ZCCHC4: variants seen among roughly 807,000 people sequenced by gnomAD.
The protein encoded by ZCCHC4 is rRNA N(6)-adenosine-methyltransferase ZCCHC4.
A neutral mutation model predicts 67.7 loss-of-function variants in ZCCHC4; 54 were observed. The ratio of observed to expected loss-of-function variants is 0.80; its 90% CI spans 0.64 to 1.00. ZCCHC4 has a LOEUF of 1.00. Among genes scored for constraint, ZCCHC4 ranks in the 50% least tolerant of loss-of-function variants. ZCCHC4 has a pLI of 0.00. For missense variants in ZCCHC4, 609 were observed against 617.0 expected (o/e 0.99, Z 0.14); for synonymous variants, 198 against 213.5 (o/e 0.93, Z 0.63).
chr4:25,326,225 C>T (rs563494425), intron 3 of ZCCHC4, among the ~76,000 whole-genome samples: 5 of 152,336 alleles, frequency 3.3e-5, no homozygotes, highest in South Asian at 2.1e-4. Context: ...GCCCGTGCTC[C>T]GTTTTTATAG....
chr4:25,342,150 G>T (rs1401215538), intron 5 of ZCCHC4, among the ~76,000 whole-genome samples: 1 of 152,154 alleles, frequency 6.6e-6, no homozygotes, highest in Non-Finnish European at 1.5e-5. Flanking sequence ...TCTTAAGAGA[G>T]AGCTGGTTTA....
intron 3 of ZCCHC4, among the ~76,000 whole-genome samples, chr4:25,321,774 C>T (rs1418925989): frequency 2.0e-5 from 3 of 152,152 alleles, no homozygotes; most frequent in African/African-American, 4.8e-5. Flanking sequence ...CTCAGCCTCC[C>T]GGGTAGCTGG....
At chr4:25,340,103 C>T (rs1019401100) in intron 5 of ZCCHC4, among the ~76,000 whole-genome samples, 9 of 152,030 alleles carry the variant, frequency 5.9e-5, no homozygotes, top group African/African-American at 1.9e-4. Flanking sequence ...CTCCTGACCT[C>T]GTGATCCACC....
intron 3 of ZCCHC4, among the ~76,000 whole-genome samples, chr4:25,323,418 A>G (rs554775895): frequency 6.7e-6 from 1 of 148,930 alleles, no homozygotes; most frequent in African/African-American, 2.4e-5. Flanking sequence ...TTTTTTTTTC[A>G]TATCACTATG....
intron 3 of ZCCHC4, among the ~76,000 whole-genome samples, chr4:25,331,380 C>G (rs1719173102): frequency 6.6e-6 from 1 of 152,326 alleles, no homozygotes; most frequent in Non-Finnish European, 1.5e-5. Context: ...TCATAGCTCA[C>G]TGCAGCCTTG....
intron 8 of ZCCHC4, among the ~76,000 whole-genome samples, chr4:25,360,022 C>A (rs995444677): frequency 6.6e-6 from 1 of 152,194 alleles, no homozygotes; most frequent in South Asian, 2.1e-4. Context: ...ACTTGATGGA[C>A]CACTTGATGG....
chr4:25,314,111 T>C lies in ZCCHC4; in HGVS notation c.193T>C (p.Ser65Pro). Residue 65 changes from serine to proline, a missense_variant, in exon 2 of 13, where the codon TCA (serine) becomes CCA (proline). By Grantham distance (74) the Ser-to-Pro change is moderately conservative (BLOSUM62 -1). Coordinates refer to ENST00000302874, the MANE Select transcript of ZCCHC4 (RefSeq NM_024936.3). ...KEETRRFYAC[S>P]ACRDRKDCNF... is the part of the protein sequence containing the mutation. ...AGAAACTCGGAGGTTTTATGCCTGT[T>C]CAGCCTGTAGAGATAGAAAAGACTG... 1 of 1,613,298 alleles carries C rather than the reference T, an allele frequency of 6.2e-7. No homozygotes were observed. The highest frequency in any genetic ancestry group is 8.5e-7 in the Non-Finnish European group (1 of 1,179,754).
chr4:25,313,911 A>C, intron 1 of ZCCHC4, 135 bp from the exon 2 acceptor site: 2 of 617,548 alleles, frequency 3.2e-6, no homozygotes, highest in Non-Finnish European at 5.7e-6. Context: ...ACAACCAACC[A>C]AAGAGATGGA....
chr4:25,344,689 A>C (rs1310495389), intron 5 of ZCCHC4, among the ~76,000 whole-genome samples: 1 of 151,852 alleles, frequency 6.6e-6, no homozygotes, highest in African/African-American at 2.4e-5. Context: ...GTAAATAAAT[A>C]TTCCTCTTTC....
At chr4:25,366,327 T>G (rs1015664103) in intron 12 of ZCCHC4, 1 of 853,544 alleles carries the variant, frequency 1.2e-6, no homozygotes, top group African/African-American at 1.9e-5. Context: ...TTTTTTTTTT[T>G]TTTTTAAAGA....
At chr4:25,332,159 T>C (rs1014683226) in intron 3 of ZCCHC4, among the ~76,000 whole-genome samples, 3 of 151,966 alleles carry the variant, frequency 2.0e-5, no homozygotes, top group African/African-American at 4.8e-5. Context: ...AATAGAAAAA[T>C]TAGCTGGATG....
Position 25,359,925 on chromosome 4 carries a change from CA to C in ZCCHC4, c.1012-1932del, listed in dbSNP as rs1720658024. ...CCACTGGTCTCCCACCAATGTACAG[CA>C]AGTGCTGGTGCTGGTAGACACCAGC... On this transcript the variant is annotated intron_variant, in intron 8 of 12. Coordinates refer to ENST00000302874, the MANE Select transcript of ZCCHC4 (RefSeq NM_024936.3). The surrounding 1 kb of genome is among the most constrained non-coding windows in gnomAD (Gnocchi z 4.9). Among the ~76,000 whole-genome samples the C allele has an allele frequency of 6.6e-6, 1 of 152,234 alleles. No individual in the cohort carries two copies. Among genetic ancestry groups the C allele is most frequent in the Admixed American group, 6.5e-5 (1 of 15,286 alleles).
chr4:25,358,252 A>C (rs73098430), intron 8 of ZCCHC4, among the ~76,000 whole-genome samples: 1 of 152,124 alleles, frequency 6.6e-6, no homozygotes, highest in African/African-American at 2.4e-5. Context: ...TCCATTTTTT[A>C]CCTTATGCCA....
intron 3 of ZCCHC4, among the ~76,000 whole-genome samples, chr4:25,330,245 C>G (rs192195757): frequency 1.6e-4 from 25 of 152,236 alleles, no homozygotes; most frequent in Non-Finnish European, 2.9e-4. Flanking sequence ...CTGACCTCAG[C>G]CTCACAAAGC....
At chr4:25,321,586 T>C (rs1718588732) in intron 3 of ZCCHC4, among the ~76,000 whole-genome samples, 1 of 152,114 alleles carries the variant, frequency 6.6e-6, no homozygotes, top group African/African-American at 2.4e-5. Context: ...TTGGCCAGGC[T>C]GGTCTTGAAC....
intron 5 of ZCCHC4, among the ~76,000 whole-genome samples, chr4:25,336,838 T>C (rs1719485266): frequency 6.6e-6 from 1 of 152,136 alleles, no homozygotes; most frequent in South Asian, 2.1e-4. Flanking sequence ...CCCTGACTCA[T>C]TCCTCACATT....
chr4:25,360,459 C>G (rs931607374), intron 8 of ZCCHC4, among the ~76,000 whole-genome samples: 2 of 152,196 alleles, frequency 1.3e-5, no homozygotes, highest in African/African-American at 2.4e-5. Flanking sequence ...CCCCGTTGTT[C>G]ATTGATAAAG....
intron 3 of ZCCHC4, among the ~76,000 whole-genome samples, chr4:25,326,577 A>C (rs1022254822): frequency 2.6e-5 from 4 of 151,972 alleles, no homozygotes; most frequent in Non-Finnish European, 5.9e-5. Context: ...TAAATACCAC[A>C]TTGTCTTGAT....
intron 3 of ZCCHC4, among the ~76,000 whole-genome samples, chr4:25,327,414 C>T (rs573050314): frequency 2.9e-4 from 28 of 97,542 alleles, no homozygotes; most frequent in African/African-American, 8.6e-4. Flanking sequence ...CCCTCCTTCC[C>T]TCCTTCCCTC....
Sources: gnomAD v4.1 joint callset for allele counts (sites outside exome capture counted in the v4.1 genomes callset) on GRCh38, gnomAD v4.1.1 for gene constraint, Gnocchi (gnomAD v3.1) non-coding constraint, MANE v1.5 for transcripts, NCBI Gene and HGNC (gene_info 2026-07-23, HGNC 2026-07-21) for gene names.